Variants in ACTR3B observed in about 807,000 individuals in gnomAD.
The protein encoded by ACTR3B is actin related protein 3B.
ACTR3B carries 8 observed loss-of-function variants against 59.0 expected under a neutral mutation model. The observed-to-expected ratio is 0.14, with a 90% CI of 0.08 to 0.24. The LOEUF (loss-of-function observed/expected upper bound fraction) is 0.24, where lower values mean the gene tolerates loss of function less well. Among genes scored for constraint, ACTR3B ranks in the 10% least tolerant of loss-of-function variants. The pLI is 1.00. For missense variants in ACTR3B, 245 were observed against 552.3 expected (o/e 0.44, Z 5.58); for synonymous variants, 148 against 197.9 (o/e 0.75, Z 2.12).
Position 152,824,946 on chromosome 7 carries a change from G to T in ACTR3B, c.859-84G>T. ...TTAAGTTATAATAAATTGTATATTT[G>T]TTAAAGTTACTTTAAAGAAGTGTGC... On this transcript the variant is annotated intron_variant, in intron 8 of 11. Transcript: ENST00000256001. The surrounding 1 kb of genome is among the most constrained non-coding windows in gnomAD (Gnocchi z 4.2). The T allele has an allele frequency of 2.2e-6, 3 of 1,385,196 alleles. No individual in the cohort carries two copies. In the East Asian group the frequency reaches 7.3e-5, roughly 34 times the overall value. 85.8% of individuals were successfully genotyped at this position (1,385,196 alleles called of 1,614,324 possible). A position where few individuals can be genotyped will look rare whatever the true frequency, so the allele number is the denominator to read the frequency against.
At chr7:152,844,312 C>T (rs1263407267) in intron 9 of ACTR3B, among the ~76,000 whole-genome samples, 1 of 152,100 alleles carries the variant, frequency 6.6e-6, no homozygotes, top group African/African-American at 2.4e-5. Context: ...CCTGCCTCGG[C>T]CTCCCAAAGT....
At chr7:152,844,885 T>A (rs1206337888) in intron 9 of ACTR3B, among the ~76,000 whole-genome samples, 1 of 144,666 alleles carries the variant, frequency 6.9e-6, no homozygotes, top group Non-Finnish European at 1.5e-5. Context: ...ATCTATTTTC[T>A]ACCACAACAA....
chr7:152,840,351 C>T (rs1172502929), intron 9 of ACTR3B, among the ~76,000 whole-genome samples: 4 of 151,894 alleles, frequency 2.6e-5, no homozygotes, highest in Non-Finnish European at 5.9e-5. Flanking sequence ...CTGTGCTTGT[C>T]GCCGTCCTGC....
chr7:152,790,522 T>A (rs2098192116), intron 2 of ACTR3B, among the ~76,000 whole-genome samples: 1 of 152,052 alleles, frequency 6.6e-6, no homozygotes, highest in South Asian at 2.1e-4. Context: ...CCTACTTGGC[T>A]ATGAAATATG....
chr7:152,782,009 G>A (rs1225098931), intron 1 of ACTR3B, among the ~76,000 whole-genome samples: 1 of 151,368 alleles, frequency 6.6e-6, no homozygotes, highest in Non-Finnish European at 1.5e-5. Flanking sequence ...GAGCAGCAAT[G>A]TGTGATTTGA....
chr7:152,773,074 G>A (rs1303268723), intron 1 of ACTR3B, among the ~76,000 whole-genome samples: 2 of 151,666 alleles, frequency 1.3e-5, no homozygotes, highest in African/African-American at 2.4e-5. Context: ...AAATTGAGAG[G>A]AAGAAAAGCA....
At chr7:152,825,176 T>C in intron 9 of ACTR3B, 54 bp downstream of exon 9, 2 of 1,577,000 alleles carry the variant, frequency 1.3e-6, no homozygotes, top group Non-Finnish European at 1.7e-6. Context: ...TAAAGGCCCA[T>C]AATTCTTAGA....
chr7:152,817,112 C>T (rs191880213), intron 6 of ACTR3B, among the ~76,000 whole-genome samples: 2,700 of 151,698 alleles, frequency 0.018, 89 homozygotes, highest in African/African-American at 0.062. Context: ...GGGCTGGGCG[C>T]GGTGGCTCAC....
intron 6 of ACTR3B, among the ~76,000 whole-genome samples, chr7:152,819,485 T>G (rs1294004034): frequency 6.6e-6 from 1 of 152,232 alleles, no homozygotes; most frequent in Non-Finnish European, 1.5e-5. Flanking sequence ...GCTGGATGTG[T>G]GTCCAAGCCT....
chr7:152,785,424 G>A (rs1255748022), intron 2 of ACTR3B, among the ~76,000 whole-genome samples: 1 of 7,594 alleles, frequency 1.3e-4, no homozygotes, highest in Non-Finnish European at 2.8e-4. Context: ...GGAGAGGGAG[G>A]GAGAGAGAGG....
At chr7:152,771,368 C>G (rs2689510) in intron 1 of ACTR3B, among the ~76,000 whole-genome samples, 2 of 152,094 alleles carry the variant, frequency 1.3e-5, no homozygotes, top group East Asian at 1.9e-4. Flanking sequence ...AAAAGGAGGA[C>G]ATGGAGGTCA....
rs891192104 is a variant in ACTR3B at position 152,759,793 on chromosome 7, A to G, written c.-90A>G. ...GCGGCGCTGCGGCGGCTCGCGGGAGACGCTGCGCGCGGGGCTAGCGGGCGG... is the reference window on the plus strand; with the variant it reads ...GCGGCGCTGCGGCGGCTCGCGGGAGGCGCTGCGCGCGGGGCTAGCGGGCGG... On this transcript the variant is annotated 5_prime_UTR_variant, in exon 1 of 12. Transcript: ENST00000256001. The G allele has an allele frequency of 8.7e-6, 9 of 1,038,514 alleles. No homozygotes were observed. The highest frequency in any genetic ancestry group is 8.5e-5 in the African/African-American group (5 of 59,080). The allele number at this position is 1,038,514 out of a possible 1,614,324, so 64.3% of individuals were successfully genotyped here.
chr7:152,767,091 AG>A lies in ACTR3B; in HGVS notation c.44+7167del, dbSNP rs1463669312. ...ATGTGAGCCACTGTGCCCAGCTGGT[AG>A]GTTTTTTTTTTTTTTTTAATGGTTT... On this transcript the variant is annotated intron_variant, in intron 1 of 11. Coordinates refer to ENST00000256001, the MANE Select transcript of ACTR3B (RefSeq NM_020445.6). Among the ~76,000 whole-genome samples, 15 of 56,720 alleles carry A rather than the reference AG, an allele frequency of 2.6e-4. No homozygotes were observed. In the South Asian group the frequency reaches 9.8e-3, roughly 37 times the overall value. The allele number at this position is 56,720 out of a possible 152,430, so 37.2% of individuals were successfully genotyped here.
intron 9 of ACTR3B, among the ~76,000 whole-genome samples, chr7:152,851,374 C>T (rs1313505095): frequency 2.0e-5 from 3 of 152,194 alleles, no homozygotes; most frequent in East Asian, 3.8e-4. Context: ...GGTGAGGCCA[C>T]TGTGGCCTCT....
chr7:152,843,808 G>C (rs1314681819), intron 9 of ACTR3B, among the ~76,000 whole-genome samples: 1 of 152,166 alleles, frequency 6.6e-6, no homozygotes, highest in Non-Finnish European at 1.5e-5. Context: ...TTATGAAGTT[G>C]GCAGTTGTAC....
In ACTR3B at chr7:152,854,627, C is replaced by T. The variant is rs758128650; in HGVS notation, c.*74C>T. 6.2e-5 allele frequency: 92 copies of T among 1,493,758 alleles called. No individual in the cohort carries two copies. The highest frequency in any genetic ancestry group is 7.9e-5 in the Non-Finnish European group (85 of 1,075,486). The allele number at this position is 1,493,758 out of a possible 1,614,324, so 92.5% of individuals were successfully genotyped here. A position where few individuals can be genotyped will look rare whatever the true frequency, so the allele number is the denominator to read the frequency against. On this transcript the variant is annotated 3_prime_UTR_variant, in exon 12 of 12. Transcript: ENST00000256001. This position sits in a 1 kb window ranked among gnomAD's most constrained non-coding sequence, Gnocchi z 4.9. ...TCCTTCAGAACCCAGAGAAGGCCGC[C>T]GTTCTGTAAATAGCGACGTCGGTGT...
At chr7:152,767,467 A>G (rs71541778) in intron 1 of ACTR3B, among the ~76,000 whole-genome samples, 9 of 151,872 alleles carry the variant, frequency 5.9e-5, no homozygotes, top group Non-Finnish European at 1.2e-4. Flanking sequence ...TTTCCCATGT[A>G]TTTTCGATTG....
At chr7:152,809,846 A>G (rs1033462057) in intron 4 of ACTR3B, among the ~76,000 whole-genome samples, 5 of 151,862 alleles carry the variant, frequency 3.3e-5, no homozygotes, top group African/African-American at 1.2e-4. Context: ...CAGCTAGCAC[A>G]CAGTTTTATT....
chr7:152,801,143 C>T (rs530943563), intron 3 of ACTR3B, among the ~76,000 whole-genome samples: 120 of 152,376 alleles, frequency 7.9e-4, no homozygotes, highest in African/African-American at 2.8e-3. Context: ...GCTGTGATGC[C>T]GTCTTGGCTC....
Sources: allele counts gnomAD v4.1 joint callset (sites outside exome capture counted in the v4.1 genomes callset), GRCh38; gene constraint gnomAD v4.1.1; non-coding constraint Gnocchi (gnomAD v3.1); transcripts MANE v1.5; gene names NCBI Gene and HGNC (gene_info 2026-07-23, HGNC 2026-07-21).